The following DIP2C variants were observed in gnomAD, a reference collection of about 807,000 sequenced individuals.
The protein encoded by DIP2C is DIP2 acetate--CoA ligase C (putative).
A neutral mutation model predicts 192.4 loss-of-function variants in DIP2C; 33 were observed. That is an observed-to-expected ratio of 0.17 (90% confidence interval 0.13 to 0.23). The LOEUF (loss-of-function observed/expected upper bound fraction) is 0.23. DIP2C is among the 10% of genes least tolerant of loss of function. The pLI is 1.00. For synonymous variants in DIP2C, 979 were observed against 864.1 expected (o/e 1.13, Z -2.33); for missense variants, 1,537 against 2,110.1 (o/e 0.73, Z 5.32).
At chr10:522,516 G>A (rs994285389) in intron 1 of DIP2C, among the ~76,000 whole-genome samples, 5 of 152,220 alleles carry the variant, frequency 3.3e-5, no homozygotes, top group African/African-American at 9.6e-5. Context: ...ACTTTTCCCA[G>A]CCACAAGTGA....
intron 1 of DIP2C, among the ~76,000 whole-genome samples, chr10:590,914 T>C (rs1299891392): frequency 1.3e-5 from 2 of 150,990 alleles, no homozygotes; most frequent in African/African-American, 2.5e-5. Context: ...GGCGTGAGAA[T>C]TCCCCCCTCG....
intron 10 of DIP2C, among the ~76,000 whole-genome samples, chr10:392,571 C>T (rs1016390594): frequency 2.0e-5 from 3 of 152,212 alleles, no homozygotes; most frequent in Admixed American, 2.0e-4. Flanking sequence ...GTGCCCCCCG[C>T]GGCCCCGTCA....
At chr10:586,950 T>C (rs1851077071) in intron 1 of DIP2C, among the ~76,000 whole-genome samples, 2 of 151,696 alleles carry the variant, frequency 1.3e-5, no homozygotes, top group Admixed American at 1.3e-4. Flanking sequence ...GGGCAAACAG[T>C]GCAGTGTCTA....
In DIP2C at chr10:354,645, CA is replaced by C. The variant is rs1958989751; in HGVS notation, c.2985+1780del. 2.0e-5 allele frequency among the ~76,000 whole-genome samples: 3 copies of C among 152,260 alleles called. No homozygotes were observed. The South Asian group carries it at 6.2e-4, about 32-fold the overall frequency. On this transcript the variant is annotated intron_variant, in intron 24 of 36. Coordinates refer to ENST00000280886, the MANE Select transcript of DIP2C (RefSeq NM_014974.3). Reference sequence around the variant, plus strand: ...GTCAGGCAACATCAAGGCAGAGATTCAGGGAGACTGAGAGCTGACTCTGCCC... The same window carrying C: ...GTCAGGCAACATCAAGGCAGAGATTCGGGAGACTGAGAGCTGACTCTGCCC...
chr10:468,990 G>C (rs1210971678), intron 3 of DIP2C, among the ~76,000 whole-genome samples: 1 of 151,930 alleles, frequency 6.6e-6, no homozygotes, highest in Non-Finnish European at 1.5e-5. Context: ...TGTGGAATTG[G>C]AGACCATCAT....
Position 305,986 on chromosome 10 carries a change from T to C in DIP2C, c.3986+4045A>G, listed in dbSNP as rs562495762. Among the ~76,000 whole-genome samples the C allele has an allele frequency of 8.9e-3, 1,334 of 150,384 alleles. 28 individuals are homozygous for C. The highest frequency in any genetic ancestry group is 0.031 in the African/African-American group (1,262 of 40,644). ...AAATGCAGACAAATATATATATATA[T>C]ATATATATTATATTTTTTTCCTATC... On this transcript the variant is annotated intron_variant, in intron 32 of 36. Transcript: ENST00000280886.
At chr10:519,910 C>A (rs1846591841) in intron 1 of DIP2C, among the ~76,000 whole-genome samples, 1 of 152,210 alleles carries the variant, frequency 6.6e-6, no homozygotes, top group Non-Finnish European at 1.5e-5. Flanking sequence ...AGCCACCCAG[C>A]CACTGAGACG....
intron 1 of DIP2C, among the ~76,000 whole-genome samples, chr10:637,097 C>A (rs1360860391): frequency 6.6e-6 from 1 of 152,266 alleles, no homozygotes; most frequent in Non-Finnish European, 1.5e-5. Context: ...ACGTCTGATT[C>A]CACACGGTCC....
intron 1 of DIP2C, among the ~76,000 whole-genome samples, chr10:600,328 T>C (rs1364897456): frequency 6.6e-6 from 1 of 152,094 alleles, no homozygotes; most frequent in Non-Finnish European, 1.5e-5. Context: ...CTCCCACTCC[T>C]TCCTCAGCCA....
chr10:576,590 A>G (rs1267292331), intron 1 of DIP2C, among the ~76,000 whole-genome samples: 4 of 152,218 alleles, frequency 2.6e-5, no homozygotes, highest in East Asian at 3.8e-4. Flanking sequence ...AGGTGCTATC[A>G]TTGAGACTGA....
In DIP2C at chr10:399,784, G is replaced by A. The variant is rs1214556894; in HGVS notation, c.1150-565C>T. ...GCTGCTTCACACATGGCGTGAGTTC[G>A]TGGAGGCTGACTATGAGTAAAGCCC... On this transcript the variant is annotated intron_variant, in intron 9 of 36. Transcript: ENST00000280886. Among the ~76,000 whole-genome samples the A allele has an allele frequency of 5.9e-5, 9 of 151,996 alleles. No homozygotes were observed. In the South Asian group the frequency reaches 1.7e-3, roughly 28 times the overall value.
chr10:685,409 C>T (rs920747275), intron 1 of DIP2C, among the ~76,000 whole-genome samples: 3 of 151,874 alleles, frequency 2.0e-5, no homozygotes, highest in East Asian at 1.9e-4. Flanking sequence ...GCATGGAACA[C>T]GCTGACAATT....
intron 10 of DIP2C, among the ~76,000 whole-genome samples, chr10:398,245 C>T (rs750323257): frequency 6.6e-6 from 1 of 152,186 alleles, no homozygotes; most frequent in Non-Finnish European, 1.5e-5. Context: ...CCTATTCTCT[C>T]TGAAGCCTGC....
intron 3 of DIP2C, among the ~76,000 whole-genome samples, chr10:457,211 G>A (rs904348482): frequency 1.3e-5 from 2 of 152,134 alleles, no homozygotes; most frequent in Non-Finnish European, 2.9e-5. Flanking sequence ...ACAAGTCTAT[G>A]CATCTCCTAT....
At chr10:313,601 G>A (rs570603996) in intron 31 of DIP2C, among the ~76,000 whole-genome samples, 2 of 152,300 alleles carry the variant, frequency 1.3e-5, no homozygotes, top group East Asian at 1.9e-4. Flanking sequence ...TAAAGTACAC[G>A]GAGGATGTGC....
In DIP2C at chr10:689,036, G is replaced by A. The variant is rs553054232; in HGVS notation, c.85+458C>T. ...CCAGCGAGGAGGTGGCGCGCACCGC[G>A]CTGCTGCACCAAGGACGCCGCGGCT... On this transcript the variant is annotated intron_variant, in intron 1 of 36. Transcript: ENST00000280886. The surrounding 1 kb of genome is among the most constrained non-coding windows in gnomAD (Gnocchi z 6.1). Among the ~76,000 whole-genome samples the A allele has an allele frequency of 1.3e-5, 2 of 152,198 alleles. No individual in the cohort carries two copies. The highest frequency in any genetic ancestry group is 4.8e-5 in the African/African-American group (2 of 41,548).
rs529888673 is a variant in DIP2C at position 630,363 on chromosome 10, C to T, written c.85+59131G>A. ...CTTTTAAAAACAGTTGTAATTATAG[C>T]TCTACTTAATGTTAAGTACTTTAAC... On this transcript the variant is annotated intron_variant, in intron 1 of 36. Transcript: ENST00000280886. The T allele has an allele frequency of 5.3e-5, 8 of 152,248 alleles. No individual in the cohort carries two copies. The South Asian group carries it at 1.5e-3, about 28-fold the overall frequency. The allele number at this position is 152,248 out of a possible 1,614,324, so 9.4% of individuals were successfully genotyped here.
chr10:595,719 G>C (rs1025277996), intron 1 of DIP2C, among the ~76,000 whole-genome samples: 1 of 152,208 alleles, frequency 6.6e-6, no homozygotes, highest in Non-Finnish European at 1.5e-5. Context: ...CTGTGGAGCT[G>C]CATGTAGGAA....
intron 1 of DIP2C, among the ~76,000 whole-genome samples, chr10:504,031 C>A (rs1179581780): frequency 6.6e-6 from 1 of 152,208 alleles, no homozygotes; most frequent in African/African-American, 2.4e-5. Flanking sequence ...ATAGATACAA[C>A]TGGTCTAATT....
Sources: gnomAD v4.1 joint callset for allele counts (sites outside exome capture counted in the v4.1 genomes callset) on GRCh38, gnomAD v4.1.1 for gene constraint, Gnocchi (gnomAD v3.1) non-coding constraint, MANE v1.5 for transcripts, NCBI Gene and HGNC (gene_info 2026-07-23, HGNC 2026-07-21) for gene names.